RAD51B: variants seen among roughly 807,000 people sequenced by gnomAD.
RAD51B encodes RAD51 paralog B.
A neutral mutation model predicts 42.2 loss-of-function variants in RAD51B; 38 were observed. The observed-to-expected ratio is 0.90, with a 90% CI of 0.70 to 1.18. RAD51B has a LOEUF of 1.18. Among genes scored for constraint, RAD51B ranks in the 50% most tolerant of loss-of-function variants. The pLI is 0.00. For missense variants in RAD51B, 373 were observed against 400.7 expected (o/e 0.93, Z 0.59); for synonymous variants, 154 against 145.2 (o/e 1.06, Z -0.43).
intron 7 of RAD51B, among the ~76,000 whole-genome samples, chr14:68,160,524 T>G (rs1286621328): frequency 2.0e-5 from 3 of 152,238 alleles, no homozygotes; most frequent in Admixed American, 2.0e-4. Context: ...TGAGGCAAAA[T>G]GAAAGACCAA....
chr14:67,837,060 T>A (rs1189286227), intron 4 of RAD51B, among the ~76,000 whole-genome samples: 1 of 152,160 alleles, frequency 6.6e-6, no homozygotes, highest in Non-Finnish European at 1.5e-5. Flanking sequence ...CAAGAGAGAT[T>A]TAAAGATTTA....
intron 10 of RAD51B, among the ~76,000 whole-genome samples, chr14:68,512,713 G>C (rs1373096182): frequency 6.6e-6 from 1 of 152,114 alleles, no homozygotes; most frequent in Non-Finnish European, 1.5e-5. Context: ...AAAGGACACT[G>C]TTCCTTCTTA....
chr14:68,281,273 A>G (rs1213047465), intron 7 of RAD51B, among the ~76,000 whole-genome samples: 2 of 152,194 alleles, frequency 1.3e-5, no homozygotes, highest in Non-Finnish European at 2.9e-5. Context: ...AATTAGAACG[A>G]GAATGTTATA....
chr14:68,005,947 G>A (rs2075584155), intron 7 of RAD51B, among the ~76,000 whole-genome samples: 1 of 152,114 alleles, frequency 6.6e-6, no homozygotes, highest in Non-Finnish European at 1.5e-5. Flanking sequence ...GGAGGGATGT[G>A]CTCTACACTT....
In RAD51B at chr14:67,935,642, G is replaced by T. The variant is rs10450923; in HGVS notation, c.756+48438G>T. On this transcript the variant is annotated intron_variant, in intron 7 of 10. Coordinates refer to ENST00000471583, the MANE Select transcript of RAD51B (RefSeq NM_133510.4). ...TTGGCCTCCCAAAGTGTTGGGATTA[G>T]AAGTGTGAGCCACTGCCCCTGGCCA... Among the ~76,000 whole-genome samples, 1,349 of 152,282 alleles carry T rather than the reference G, an allele frequency of 8.9e-3. 21 individuals carry two copies. The highest frequency in any genetic ancestry group is 0.031 in the African/African-American group (1,270 of 41,544).
chr14:68,102,207 G>A (rs1420087358), intron 7 of RAD51B, among the ~76,000 whole-genome samples: 1 of 152,188 alleles, frequency 6.6e-6, no homozygotes, highest in Non-Finnish European at 1.5e-5. Context: ...TGTGATGGGT[G>A]GGGCTGCCAT....
At chr14:68,546,816 G>A (rs1442862957) in intron 10 of RAD51B, among the ~76,000 whole-genome samples, 3 of 152,140 alleles carry the variant, frequency 2.0e-5, no homozygotes, top group Non-Finnish European at 4.4e-5. Flanking sequence ...AGAGGTCAGT[G>A]GGAATGGGAG....
At chr14:68,364,213 C>G (rs2083092703) in intron 8 of RAD51B, among the ~76,000 whole-genome samples, 3 of 152,188 alleles carry the variant, frequency 2.0e-5, no homozygotes, top group Admixed American at 1.3e-4. Flanking sequence ...CCCTCTTCTC[C>G]CTCCCTCCCT....
At chr14:68,411,308 G>A in intron 8 of RAD51B, 116 bp from the exon 9 acceptor site, 1 of 809,990 alleles carries the variant, frequency 1.2e-6, no homozygotes, top group Non-Finnish European at 2.1e-6. Flanking sequence ...CTGTGGTAAT[G>A]AACTGAGCCT....
At chr14:67,999,581 A>C (rs1465855527) in intron 7 of RAD51B, among the ~76,000 whole-genome samples, 1 of 152,250 alleles carries the variant, frequency 6.6e-6, no homozygotes, top group East Asian at 1.9e-4. Context: ...TCCATGACTT[A>C]CTATTGTATT....
At chr14:68,509,912 G>A (rs1387735952) in intron 10 of RAD51B, among the ~76,000 whole-genome samples, 1 of 152,218 alleles carries the variant, frequency 6.6e-6, no homozygotes, top group Non-Finnish European at 1.5e-5. Context: ...GGGGTGCCCC[G>A]CAAGCACTTG....
chr14:67,923,495 C>A (rs1416085627), intron 7 of RAD51B, among the ~76,000 whole-genome samples: 1 of 151,820 alleles, frequency 6.6e-6, no homozygotes, highest in Non-Finnish European at 1.5e-5. Context: ...GACGGGGTTT[C>A]TCCATGTTGT....
intron 7 of RAD51B, among the ~76,000 whole-genome samples, chr14:68,078,092 A>G (rs1297523935): frequency 1.3e-5 from 2 of 152,222 alleles, no homozygotes; most frequent in African/African-American, 4.8e-5. Context: ...CAGATAGTGT[A>G]TGCACTATTA....
chr14:68,147,708 T>C (rs558820414), intron 7 of RAD51B, among the ~76,000 whole-genome samples: 124 of 152,154 alleles, frequency 8.1e-4, no homozygotes, highest in African/African-American at 2.9e-3. Context: ...GTTCTTTATA[T>C]TTTAAACAAC....
chr14:68,314,675 G>A (rs1471871156), intron 8 of RAD51B, among the ~76,000 whole-genome samples: 1 of 152,038 alleles, frequency 6.6e-6, no homozygotes, highest in African/African-American at 2.4e-5. Context: ...AAGAGTTGAG[G>A]CAGCACAGAG....
At chr14:68,463,984 GT>G (rs2085911938) in intron 9 of RAD51B, among the ~76,000 whole-genome samples, 1 of 152,160 alleles carries the variant, frequency 6.6e-6, no homozygotes, top group Non-Finnish European at 1.5e-5. Flanking sequence ...TTGAACTATA[GT>G]TAACCAACAT....
At chr14:68,387,827 G>GCAC (rs2083632378) in intron 8 of RAD51B, among the ~76,000 whole-genome samples, 1 of 152,046 alleles carries the variant, frequency 6.6e-6, no homozygotes. Flanking sequence ...CCCACATGTA[G>GCAC]CTACTGAGCA....
intron 11 of RAD51B, among the ~76,000 whole-genome samples, chr14:68,678,063 TA>T (rs1893350352): frequency 6.6e-6 from 1 of 152,192 alleles, no homozygotes; most frequent in Non-Finnish European, 1.5e-5. Context: ...AAGAGGTGGA[TA>T]TTTTTATCCA....
chr14:68,170,031 G>A (rs770601239), intron 7 of RAD51B, among the ~76,000 whole-genome samples: 25 of 152,200 alleles, frequency 1.6e-4, no homozygotes, highest in Non-Finnish European at 3.4e-4. Context: ...TTAGGAAGAT[G>A]CCTTTCTTAC....
Sources: allele counts gnomAD v4.1 joint callset (sites outside exome capture counted in the v4.1 genomes callset), GRCh38; gene constraint gnomAD v4.1.1; transcripts MANE v1.5; gene names NCBI Gene and HGNC (gene_info 2026-07-23, HGNC 2026-07-21).